Variants in RGS22 observed in about 807,000 individuals in gnomAD.
The protein encoded by RGS22 is regulator of G protein signaling 22.
In RGS22, 148 loss-of-function variants were observed where a neutral mutation model predicts 172.9. The ratio of observed to expected loss-of-function variants is 0.86; its 90% CI spans 0.75 to 0.98. The LOEUF is 0.98. Among genes scored for constraint, RGS22 ranks in the 50% least tolerant of loss-of-function variants. The pLI, the probability that RGS22 is intolerant of heterozygous loss-of-function variation, is 0.00. For synonymous variants in RGS22, 458 were observed against 480.2 expected, an observed-to-expected ratio of 0.95 and a Z score of 0.60; for missense variants, 1,347 against 1,440.8, an observed-to-expected ratio of 0.93 and a Z score of 1.05.
At chr8:100,078,063 G>T (rs1490166447) in intron 4 of RGS22, among the ~76,000 whole-genome samples, 2 of 152,012 alleles carry the variant, frequency 1.3e-5, no homozygotes, top group Non-Finnish European at 2.9e-5. Context: ...ATTCATAATT[G>T]CATAGTATAC....
At chr8:100,072,123 T>C (rs371363756) in intron 5 of RGS22, 22 bp downstream of exon 5, 5 of 1,395,872 alleles carry the variant, frequency 3.6e-6, no homozygotes, top group Non-Finnish European at 5.0e-6. Flanking sequence ...TAAAAATACA[T>C]ATATTGATGG....
chr8:100,077,588 G>C (rs1010113760), intron 4 of RGS22, among the ~76,000 whole-genome samples: 2 of 152,130 alleles, frequency 1.3e-5, no homozygotes, highest in Non-Finnish European at 2.9e-5. Context: ...AACATAGTTG[G>C]CAAGATTTCA....
In RGS22 at chr8:99,962,983, A is replaced by G. The variant is rs1200174247; in HGVS notation, c.3616-5T>C. 3 of 1,555,772 alleles carry G rather than the reference A, an allele frequency of 1.9e-6. No individual in the cohort carries two copies. In the African/African-American group the frequency reaches 4.2e-5, roughly 22 times the overall value. On this transcript the variant is annotated splice_polypyrimidine_tract_variant and splice_region_variant and intron_variant, in intron 24 of 27. Transcript: ENST00000360863. ...CTTTGAGTAGCACCAGGTTGGCTAAAAAAAGCAATTTTCAAAGTTAATTCT... is the reference window on the plus strand; with the variant it reads ...CTTTGAGTAGCACCAGGTTGGCTAAGAAAAGCAATTTTCAAAGTTAATTCT...
chr8:100,018,188 G>A (rs1817209615), intron 14 of RGS22, among the ~76,000 whole-genome samples: 1 of 147,782 alleles, frequency 6.8e-6, no homozygotes, highest in African/African-American at 2.5e-5. Context: ...CTGTGCCTGT[G>A]ACTCACTTTC....
At chr8:100,020,759 C>A (rs2131454393) in intron 14 of RGS22, among the ~76,000 whole-genome samples, 1 of 152,142 alleles carries the variant, frequency 6.6e-6, no homozygotes, top group East Asian at 1.9e-4. Flanking sequence ...AGTCCAAAGG[C>A]CTCAGGAAAA....
At chr8:100,101,119 G>A (rs1813438488) in intron 2 of RGS22, among the ~76,000 whole-genome samples, 1 of 152,052 alleles carries the variant, frequency 6.6e-6, no homozygotes, top group East Asian at 1.9e-4. Context: ...TAAGGCACAA[G>A]AAAAAGATAT....
chr8:99,968,290 A>C (rs953481857), intron 23 of RGS22, among the ~76,000 whole-genome samples: 1 of 152,192 alleles, frequency 6.6e-6, no homozygotes, highest in African/African-American at 2.4e-5. Flanking sequence ...CAGCACAAAA[A>C]GGCTGAAAAT....
intron 4 of RGS22, among the ~76,000 whole-genome samples, chr8:100,074,474 T>C (rs1811198580): frequency 6.6e-6 from 1 of 152,256 alleles, no homozygotes; most frequent in African/African-American, 2.4e-5. Context: ...ATCTGTTCCG[T>C]AGTTTTGCCT....
chr8:99,999,188 T>C, intron 19 of RGS22, 74 bp downstream of exon 19: 1 of 1,249,932 alleles, frequency 8.0e-7, no homozygotes, highest in South Asian at 1.6e-5. Context: ...AATGGCTGGG[T>C]CACCAGGTAT....
chr8:99,991,288 C>T (rs1813689522), intron 20 of RGS22, among the ~76,000 whole-genome samples: 1 of 152,148 alleles, frequency 6.6e-6, no homozygotes, highest in African/African-American at 2.4e-5. Context: ...CAGAAGTAGG[C>T]TTCAGAAGGT....
chr8:99,981,951 A>G lies in RGS22; in HGVS notation c.3346T>C (p.Phe1116Leu). ...TGATCTCTTACCTGTGCCTCTCTAA[A>G]TACATATGGTCCTAACTCCTTCCGG... ...EHRKELGPYV[F>L]REAQMTIFGV... is the part of the protein sequence containing the mutation. The change falls in exon 22 of 28, where the codon TTT becomes CTT. Residue 1116 changes from phenylalanine to leucine, a missense_variant. Coordinates refer to ENST00000360863, the MANE Select transcript of RGS22 (RefSeq NM_015668.5). The G allele has an allele frequency of 6.2e-7, 1 of 1,611,696 alleles. No individual in the cohort carries two copies. Among genetic ancestry groups the G allele is most frequent in the Non-Finnish European group, 8.5e-7 (1 of 1,179,060 alleles).
intron 23 of RGS22, among the ~76,000 whole-genome samples, chr8:99,974,592 G>T (rs771234414): frequency 6.6e-6 from 1 of 151,980 alleles, no homozygotes; most frequent in Non-Finnish European, 1.5e-5. Context: ...AAGGTCAGGA[G>T]TTCGAGACCA....
At chr8:100,016,562 G>A (rs1353377182) in intron 14 of RGS22, among the ~76,000 whole-genome samples, 7 of 152,108 alleles carry the variant, frequency 4.6e-5, no homozygotes, top group African/African-American at 1.7e-4. Context: ...CAGATCACGA[G>A]GTCAGGAGAT....
chr8:100,105,805 T>C, intron 1 of RGS22, 92 bp downstream of exon 1: 1 of 1,148,202 alleles, frequency 8.7e-7, no homozygotes, highest in Non-Finnish European at 1.2e-6. Flanking sequence ...GGGATACCGC[T>C]AGGAGGGCAG....
At chr8:100,075,047 G>A (rs553768226) in intron 4 of RGS22, among the ~76,000 whole-genome samples, 20 of 152,270 alleles carry the variant, frequency 1.3e-4, no homozygotes, top group Non-Finnish European at 1.9e-4. Flanking sequence ...TGGGATTACA[G>A]GTGTGAGCCA....
chr8:100,062,544 C>A, intron 9 of RGS22, 47 bp downstream of exon 9: 1 of 1,277,354 alleles, frequency 7.8e-7, no homozygotes. Context: ...TAACTCATAA[C>A]TGGCGTAAGG....
At chr8:100,096,663 T>A (rs1563729930) in intron 2 of RGS22, among the ~76,000 whole-genome samples, 1 of 135,270 alleles carries the variant, frequency 7.4e-6, no homozygotes, top group South Asian at 2.5e-4. Context: ...TTAGCTAATT[T>A]AAAAAAAATT....
chr8:99,997,744 C>T (rs2131307176), intron 19 of RGS22, among the ~76,000 whole-genome samples: 1 of 152,234 alleles, frequency 6.6e-6, no homozygotes, highest in Middle Eastern at 3.4e-3. Flanking sequence ...ACAAGGTGTG[C>T]TAATGACATT....
At chr8:100,075,821 T>C (rs1410088497) in intron 4 of RGS22, among the ~76,000 whole-genome samples, 1 of 152,248 alleles carries the variant, frequency 6.6e-6, no homozygotes, top group Non-Finnish European at 1.5e-5. Context: ...AAAGTAGCTG[T>C]ACTGTCTTAC....
Sources: gnomAD v4.1 joint callset for allele counts (sites outside exome capture counted in the v4.1 genomes callset) on GRCh38, gnomAD v4.1.1 for gene constraint, MANE v1.5 for transcripts, NCBI Gene and HGNC (gene_info 2026-07-23, HGNC 2026-07-21) for gene names.